The following DSCAM variants were observed in gnomAD, a reference collection of about 807,000 sequenced individuals.
The protein encoded by DSCAM is DS cell adhesion molecule.
In DSCAM, 47 loss-of-function variants were observed where a neutral mutation model predicts 217.7. The observed-to-expected ratio is 0.22, with a 90% CI of 0.17 to 0.28. DSCAM has a LOEUF of 0.28. Ranked by LOEUF, DSCAM falls within the 10% of genes least tolerant of loss-of-function variation. DSCAM has a pLI of 1.00. For missense variants in DSCAM, 2,080 were observed against 2,618.3 expected, an observed-to-expected ratio of 0.79 and a Z score of 4.49; for synonymous variants, 1,056 against 1,015.3, an observed-to-expected ratio of 1.04 and a Z score of -0.76.
intron 3 of DSCAM, among the ~76,000 whole-genome samples, chr21:40,492,076 G>C (rs943788617): frequency 1.2e-4 from 18 of 152,176 alleles, no homozygotes; most frequent in African/African-American, 4.3e-4. Context: ...ATAATGACCA[G>C]AGTATAATAA....
chr21:40,095,121 G>A (rs1487687824), intron 20 of DSCAM, among the ~76,000 whole-genome samples: 6 of 152,236 alleles, frequency 3.9e-5, no homozygotes, highest in Admixed American at 2.0e-4. Context: ...TGAAAGGCAT[G>A]TCTTACATGG....
chr21:40,728,065 A>G (rs969400445), intron 1 of DSCAM, among the ~76,000 whole-genome samples: 20 of 152,060 alleles, frequency 1.3e-4, no homozygotes, highest in Non-Finnish European at 1.5e-5. Flanking sequence ...CTGCCTGGTA[A>G]AGATGGCGGC....
At chr21:40,356,554 C>T (rs367876939) in intron 4 of DSCAM, among the ~76,000 whole-genome samples, 206 of 152,184 alleles carry the variant, frequency 1.4e-3, no homozygotes, top group African/African-American at 4.3e-3. Context: ...TGCTTAAAGG[C>T]GACTTAGCTG....
chr21:40,370,782 G>C (rs1331941508), intron 3 of DSCAM, among the ~76,000 whole-genome samples: 1 of 151,926 alleles, frequency 6.6e-6, no homozygotes, highest in Admixed American at 6.6e-5. Context: ...CATCACACCT[G>C]GCTAATTTTT....
chr21:40,392,505 G>A (rs1245510281), intron 3 of DSCAM, among the ~76,000 whole-genome samples: 6 of 152,110 alleles, frequency 3.9e-5, no homozygotes, highest in Non-Finnish European at 8.8e-5. Context: ...TAACCAACAC[G>A]ACGTAGAAAG....
chr21:40,617,181 T>A (rs1005137546), intron 3 of DSCAM, among the ~76,000 whole-genome samples: 3 of 132,754 alleles, frequency 2.3e-5, no homozygotes, highest in South Asian at 2.8e-4. Context: ...TGGAGTGCAG[T>A]GGTGCAATCT....
At chr21:40,084,751 A>C (rs1453222545) in intron 23 of DSCAM, among the ~76,000 whole-genome samples, 1 of 152,104 alleles carries the variant, frequency 6.6e-6, no homozygotes, top group African/African-American at 2.4e-5. Flanking sequence ...AGAGAAGCCT[A>C]ATATATTGAC....
At chr21:40,697,316 C>T (rs1034559812) in intron 2 of DSCAM, among the ~76,000 whole-genome samples, 1 of 152,154 alleles carries the variant, frequency 6.6e-6, no homozygotes, top group African/African-American at 2.4e-5. Flanking sequence ...ATTTTCTTTG[C>T]TGTGCAGAGT....
chr21:40,671,956 C>A (rs2090281385), intron 3 of DSCAM, among the ~76,000 whole-genome samples: 1 of 152,138 alleles, frequency 6.6e-6, no homozygotes, highest in Non-Finnish European at 1.5e-5. Flanking sequence ...TTTCACAGTT[C>A]TGGAGGCCAG....
chr21:40,324,909 A>T (rs1411830622), intron 8 of DSCAM, among the ~76,000 whole-genome samples: 2 of 152,200 alleles, frequency 1.3e-5, no homozygotes, highest in Non-Finnish European at 2.9e-5. Context: ...TGGACTTCTG[A>T]TGGAAGCAAA....
intron 20 of DSCAM, among the ~76,000 whole-genome samples, chr21:40,096,797 A>G (rs1054934154): frequency 3.3e-5 from 5 of 152,182 alleles, no homozygotes; most frequent in Admixed American, 3.3e-4. Context: ...GTAGCCAGAG[A>G]AAGTAAATGT....
intron 3 of DSCAM, among the ~76,000 whole-genome samples, chr21:40,435,067 A>T (rs1761683048): frequency 6.6e-6 from 1 of 152,212 alleles, no homozygotes; most frequent in Non-Finnish European, 1.5e-5. Context: ...TGATAGACAA[A>T]TGGTAGGGAG....
chr21:40,371,340 CT>C (rs1368365921), intron 3 of DSCAM, among the ~76,000 whole-genome samples: 7 of 151,836 alleles, frequency 4.6e-5, no homozygotes, highest in African/African-American at 1.7e-4. Flanking sequence ...CATTATTTCT[CT>C]TTCAATATAT....
intron 20 of DSCAM, among the ~76,000 whole-genome samples, chr21:40,120,666 T>C (rs1358781036): frequency 6.6e-6 from 1 of 152,162 alleles, no homozygotes; most frequent in East Asian, 1.9e-4. Flanking sequence ...GAATCTCTGA[T>C]TGGGGAGTTT....
At chr21:40,262,195 C>T (rs578072495) in intron 11 of DSCAM, among the ~76,000 whole-genome samples, 2 of 152,208 alleles carry the variant, frequency 1.3e-5, no homozygotes, top group African/African-American at 4.8e-5. Context: ...TTTTCAGCCT[C>T]GATAACTGTG....
chr21:40,070,227 G>GAAA (rs1568924520), intron 27 of DSCAM, among the ~76,000 whole-genome samples: 9 of 120,666 alleles, frequency 7.5e-5, no homozygotes, highest in Admixed American at 7.2e-4. Flanking sequence ...AGAGAGAAGG[G>GAAA]GAAAGGAAGG....
chr21:40,041,463 G>A (rs757370680), intron 32 of DSCAM, among the ~76,000 whole-genome samples: 13 of 151,320 alleles, frequency 8.6e-5, no homozygotes, highest in South Asian at 2.1e-4. Context: ...CAAGTTTTCC[G>A]GCTTCTCTTA....
chr21:40,832,080 G>T (rs1321248843), intron 1 of DSCAM, among the ~76,000 whole-genome samples: 1 of 152,226 alleles, frequency 6.6e-6, no homozygotes, highest in South Asian at 2.1e-4. Context: ...TCCAAACCCT[G>T]GTTTTGCAAT....
chr21:40,810,841 G>C (rs1381828947), intron 1 of DSCAM, among the ~76,000 whole-genome samples: 1 of 152,148 alleles, frequency 6.6e-6, no homozygotes, highest in Non-Finnish European at 1.5e-5. Context: ...GGAGTTCAAG[G>C]CTGCAATGAA....
Sources: allele counts gnomAD v4.1 joint callset (sites outside exome capture counted in the v4.1 genomes callset), GRCh38; gene constraint gnomAD v4.1.1; transcripts MANE v1.5; gene names NCBI Gene and HGNC (gene_info 2026-07-23, HGNC 2026-07-21).